Variants in SPAG16 observed in about 807,000 individuals in gnomAD.
SPAG16 encodes the protein sperm associated antigen 16, also known as sperm-associated antigen 16 protein.
Under a neutral mutation model 80.4 loss-of-function variants are expected in SPAG16, and 86 were observed. The observed-to-expected ratio is 1.07, with a 90% confidence interval of 0.90 to 1.28. The LOEUF (loss-of-function observed/expected upper bound fraction) is 1.28. SPAG16 is among the 50% of genes most tolerant of loss of function. The pLI is 0.00. For synonymous variants in SPAG16, 294 were observed against 265.9 expected, an observed-to-expected ratio of 1.11 and a Z score of -1.03; for missense variants, 870 against 765.3, an observed-to-expected ratio of 1.14 and a Z score of -1.61.
At chr2:213,940,572 G>C (rs911931720) in intron 12 of SPAG16, among the ~76,000 whole-genome samples, 1 of 152,094 alleles carries the variant, frequency 6.6e-6, no homozygotes, top group African/African-American at 2.4e-5. Context: ...GAGAATTACA[G>C]GTATGAGCCA....
intron 13 of SPAG16, among the ~76,000 whole-genome samples, chr2:214,104,094 T>A (rs2053240316): frequency 6.6e-6 from 1 of 152,170 alleles, no homozygotes; most frequent in Non-Finnish European, 1.5e-5. Flanking sequence ...GGGTGAGATG[T>A]CCCTGTATCT....
At chr2:213,885,313 A>G (rs989854278) in intron 11 of SPAG16, among the ~76,000 whole-genome samples, 3 of 152,202 alleles carry the variant, frequency 2.0e-5, no homozygotes, top group African/African-American at 7.2e-5. Flanking sequence ...GGTTATACTC[A>G]ACTGCATGGC....
At chr2:213,905,877 T>G (rs1336095640) in intron 11 of SPAG16, among the ~76,000 whole-genome samples, 1 of 152,168 alleles carries the variant, frequency 6.6e-6, no homozygotes, top group Non-Finnish European at 1.5e-5. Flanking sequence ...AATATCCTAG[T>G]AGCAGAGGCA....
intron 13 of SPAG16, among the ~76,000 whole-genome samples, chr2:214,029,503 A>C (rs958372527): frequency 6.6e-6 from 1 of 152,034 alleles, no homozygotes; most frequent in African/African-American, 2.4e-5. Flanking sequence ...GCAATGGTGG[A>C]AGCAGAAAAA....
At chr2:214,104,672 C>T (rs758824345) in intron 13 of SPAG16, among the ~76,000 whole-genome samples, 1 of 152,170 alleles carries the variant, frequency 6.6e-6, no homozygotes, top group South Asian at 2.1e-4. Context: ...ATAAAGATTT[C>T]GTGAAGATCA....
chr2:213,615,763 C>T (rs1365690965), intron 10 of SPAG16, among the ~76,000 whole-genome samples: 2 of 152,080 alleles, frequency 1.3e-5, no homozygotes, highest in African/African-American at 2.4e-5. Flanking sequence ...GCTGCAATTA[C>T]ACATTAAACA....
chr2:213,833,816 A>G (rs947859321), intron 10 of SPAG16, among the ~76,000 whole-genome samples: 6 of 150,426 alleles, frequency 4.0e-5, no homozygotes, highest in African/African-American at 1.2e-4. Context: ...CTTCATAGTA[A>G]TTCAGACCCA....
At chr2:213,333,665 A>T (rs181790706) in intron 5 of SPAG16, among the ~76,000 whole-genome samples, 2 of 152,296 alleles carry the variant, frequency 1.3e-5, no homozygotes, top group East Asian at 3.9e-4. Flanking sequence ...ACATAGACCA[A>T]TGGAACAGAA....
At chr2:213,395,590 T>C (rs2067989496) in intron 9 of SPAG16, among the ~76,000 whole-genome samples, 2 of 152,280 alleles carry the variant, frequency 1.3e-5, no homozygotes, top group African/African-American at 2.4e-5. Flanking sequence ...TGTTGCTAGA[T>C]TGGGAGTCAG....
At chr2:213,502,252 C>T (rs1056644320) in intron 10 of SPAG16, among the ~76,000 whole-genome samples, 5 of 151,984 alleles carry the variant, frequency 3.3e-5, no homozygotes, top group African/African-American at 7.3e-5. Context: ...CAGCCTCCCC[C>T]GTAGCTGAGA....
intron 10 of SPAG16, among the ~76,000 whole-genome samples, chr2:213,572,098 T>C (rs1439678500): frequency 8.4e-6 from 1 of 118,816 alleles, no homozygotes; most frequent in African/African-American, 4.2e-5. Context: ...TCAGCTCCTT[T>C]AAGCACTTCT....
chr2:213,689,776 T>G (rs151045809), intron 10 of SPAG16, among the ~76,000 whole-genome samples: 2,292 of 152,266 alleles, frequency 0.015, 22 homozygotes, highest in Non-Finnish European at 0.024. Flanking sequence ...GGAGAATTGT[T>G]TACAGATGTC....
chr2:214,193,254 G>C (rs2057717716), intron 15 of SPAG16, among the ~76,000 whole-genome samples: 1 of 151,910 alleles, frequency 6.6e-6, no homozygotes, highest in Non-Finnish European at 1.5e-5. Flanking sequence ...CTGGTGGATG[G>C]GTGCTGTCCT....
chr2:214,094,682 G>A (rs2052460509), intron 13 of SPAG16, among the ~76,000 whole-genome samples: 1 of 152,060 alleles, frequency 6.6e-6, no homozygotes, highest in African/African-American at 2.4e-5. Context: ...CTGAATTTTG[G>A]AATTATTATG....
chr2:213,899,618 A>C (rs762748051), intron 11 of SPAG16, among the ~76,000 whole-genome samples: 1 of 152,062 alleles, frequency 6.6e-6, no homozygotes, highest in Admixed American at 6.6e-5. Flanking sequence ...AATTGTCACT[A>C]TAATATTCTA....
At chr2:213,955,907 G>A (rs954505942) in intron 12 of SPAG16, among the ~76,000 whole-genome samples, 5 of 151,754 alleles carry the variant, frequency 3.3e-5, no homozygotes, top group Admixed American at 2.0e-4. Context: ...CTAGATAAAA[G>A]TTTGTCAATT....
intron 10 of SPAG16, among the ~76,000 whole-genome samples, chr2:213,853,484 A>G (rs1159646299): frequency 6.6e-6 from 1 of 152,242 alleles, no homozygotes; most frequent in Non-Finnish European, 1.5e-5. Context: ...TATTTTATGT[A>G]ACATGCCTGG....
intron 10 of SPAG16, among the ~76,000 whole-genome samples, chr2:213,791,466 A>T (rs573328861): frequency 2.2e-4 from 34 of 152,212 alleles, no homozygotes; most frequent in African/African-American, 7.7e-4. Context: ...CTGACTAGAT[A>T]ATCATAATAT....
chr2:213,886,737 T>C (rs1311056865), intron 11 of SPAG16, among the ~76,000 whole-genome samples: 1 of 151,490 alleles, frequency 6.6e-6, no homozygotes. Flanking sequence ...ATAAACCGTT[T>C]ATGAAAAAAA....
Sources: gnomAD v4.1 joint callset for allele counts (sites outside exome capture counted in the v4.1 genomes callset) on GRCh38, gnomAD v4.1.1 for gene constraint, MANE v1.5 for transcripts, NCBI Gene and HGNC (gene_info 2026-07-23, HGNC 2026-07-21) for gene names.